The following DENND2C variants were observed in gnomAD, a reference collection of about 807,000 sequenced individuals.
The protein encoded by DENND2C is DENN domain-containing protein 2C.
In DENND2C, 72 loss-of-function variants were observed where a neutral mutation model predicts 112.4. The observed-to-expected ratio is 0.64, with a 90% CI of 0.53 to 0.78. DENND2C has a LOEUF of 0.78. DENND2C is among the 30% of genes least tolerant of loss of function. The pLI, the probability that DENND2C is intolerant of heterozygous loss-of-function variation, is 0.00. For synonymous variants in DENND2C, 329 were observed against 381.6 expected (o/e 0.86, Z 1.61); for missense variants, 992 against 1,113.8 (o/e 0.89, Z 1.56).
rs369709860 is a variant in DENND2C at position 114,585,646 on chromosome 1, A to G, written c.2756-15T>C. ...CATTTTGCTTCCTAAAGGGAAAGAAAAGTACAGTGAATGCTCAATTCATTT... is the reference window on the plus strand; with the variant it reads ...CATTTTGCTTCCTAAAGGGAAAGAAGAGTACAGTGAATGCTCAATTCATTT... On this transcript the variant is annotated splice_polypyrimidine_tract_variant and intron_variant, in intron 20 of 20. Transcript: ENST00000393274. 1.1e-5 allele frequency: 17 copies of G among 1,611,964 alleles called. No individual in the cohort carries two copies. Among genetic ancestry groups the G allele is most frequent in the Non-Finnish European group, 1.4e-5 (17 of 1,178,200 alleles).
At chr1:114,599,636 T>C (rs1655437800) in intron 15 of DENND2C, among the ~76,000 whole-genome samples, 185 bp from the exon 16 acceptor site, 1 of 152,212 alleles carries the variant, frequency 6.6e-6, no homozygotes, top group African/African-American at 2.4e-5. Flanking sequence ...AAATGTTCAA[T>C]CTTAATCCAG....
At chr1:114,602,068 A>C in intron 12 of DENND2C, 57 bp downstream of exon 12, 1 of 1,547,828 alleles carries the variant, frequency 6.5e-7, no homozygotes, top group African/African-American at 1.4e-5. Flanking sequence ...TGAAGTTCCT[A>C]CTCTGACTCA....
At chr1:114,669,013 ATCAT>A (rs1657718701) in intron 1 of DENND2C, among the ~76,000 whole-genome samples, 1 of 152,218 alleles carries the variant, frequency 6.6e-6, no homozygotes, top group East Asian at 1.9e-4. Flanking sequence ...AATTTCATCA[ATCAT>A]TTAAAAATAG....
chr1:114,597,512 T>C (rs1484019615), intron 16 of DENND2C, among the ~76,000 whole-genome samples: 4 of 151,826 alleles, frequency 2.6e-5, no homozygotes, highest in African/African-American at 9.7e-5. Flanking sequence ...CTGGGTGCAG[T>C]GGCTCACACC....
rs1656210689 is a variant in DENND2C, at chr1:114,623,049, T to A, written c.994A>T (p.Met332Leu). 6.2e-7 allele frequency: 1 copy of A among 1,613,330 alleles called. No individual in the cohort carries two copies. Among genetic ancestry groups the A allele is most frequent in the African/African-American group, 1.3e-5 (1 of 75,006 alleles). The change falls in exon 6 of 21, where the codon ATG becomes TTG. Residue 332 changes from methionine to leucine, a missense_variant. Around this residue, in one of 3 missense-constraint regions of DENND2C, gnomAD observed 470 missense variants for 472.7 expected, o/e 0.99. Coordinates refer to ENST00000393274, the MANE Select transcript of DENND2C (RefSeq NM_001256404.2). Reference sequence around the variant, plus strand: ...TTCCATGCTGAAGGGGATCTCCACATAGGTAAAGGCTGCACTGGAATATCT... The same window carrying A: ...TTCCATGCTGAAGGGGATCTCCACAAAGGTAAAGGCTGCACTGGAATATCT... The part of the protein sequence containing the change: ...YEDIPVQPLP[M>L]WRSPSAWKLP...
intron 3 of DENND2C, among the ~76,000 whole-genome samples, chr1:114,638,662 C>A (rs1330621667): frequency 3.4e-5 from 5 of 149,104 alleles, no homozygotes; most frequent in African/African-American, 1.2e-4. Context: ...ACTTGGGAGG[C>A]TGAGGTGGGA....
chr1:114,628,876 T>A (rs1656416409), intron 3 of DENND2C, among the ~76,000 whole-genome samples: 1 of 152,176 alleles, frequency 6.6e-6, no homozygotes, highest in Non-Finnish European at 1.5e-5. Flanking sequence ...TGCCTTAACC[T>A]CCATTATTGG....
chr1:114,602,806 CT>C (rs1023445506), intron 11 of DENND2C, among the ~76,000 whole-genome samples: 5 of 152,116 alleles, frequency 3.3e-5, no homozygotes, highest in African/African-American at 7.2e-5. Flanking sequence ...TCAAATAATC[CT>C]TCTGTCTCAG....
At chr1:114,608,954 G>A in intron 9 of DENND2C, 81 bp from the exon 10 acceptor site, 3 of 1,449,160 alleles carry the variant, frequency 2.1e-6, no homozygotes, top group Non-Finnish European at 2.9e-6. Context: ...GACCCACATA[G>A]GATTAATCTT....
rs1656329388 is a variant in DENND2C, at chr1:114,625,938, C to T, written c.47G>A (p.Ser16Asn). The T allele has an allele frequency of 6.2e-7, 1 of 1,613,900 alleles. No individual in the cohort carries two copies. The highest frequency in any genetic ancestry group is 1.3e-5 in the African/African-American group (1 of 74,920). Reference sequence around the variant, plus strand: ...TTTTTGTTTGATGTTTTTGCAGTGGCTTCTTGACAGTGTCTGAACAGTAGT... The same window carrying T: ...TTTTTGTTTGATGTTTTTGCAGTGGTTTCTTGACAGTGTCTGAACAGTAGT... ...SRTTVQTLSR[S>N]HCKNIKQKIS... Residue 16 changes from serine (S) to asparagine (N), a missense_variant, in exon 4 of 21, where the codon AGC (serine) becomes AAC (asparagine). By Grantham distance (46) the Ser-to-Asn change is conservative. Coordinates refer to ENST00000393274, the MANE Select transcript of DENND2C (RefSeq NM_001256404.2).
In DENND2C at chr1:114,587,493, T is replaced by C. The variant is rs1435191732; in HGVS notation, c.2669-20A>G. The stretch of plus-strand genomic sequence containing the variant: ...ACAAACCTACAAGGAAAAACTCATG[T>C]TGGTGAAACTGTGTAACACTCCAGA... On this transcript the variant is annotated intron_variant, in intron 19 of 20. Coordinates refer to ENST00000393274, the MANE Select transcript of DENND2C (RefSeq NM_001256404.2). 6.2e-7 allele frequency: 1 copy of C among 1,613,364 alleles called. No individual in the cohort carries two copies. Among genetic ancestry groups the C allele is most frequent in the African/African-American group, 1.3e-5 (1 of 74,924 alleles).
At chr1:114,620,343 GA>G (rs1212500124) in intron 7 of DENND2C, among the ~76,000 whole-genome samples, 4 of 152,054 alleles carry the variant, frequency 2.6e-5, no homozygotes, top group Non-Finnish European at 5.9e-5. Flanking sequence ...AAAAATATTA[GA>G]AAGGGAAAAG....
At chr1:114,602,870 T>C (rs536684958) in intron 11 of DENND2C, among the ~76,000 whole-genome samples, 1 of 152,286 alleles carries the variant, frequency 6.6e-6, no homozygotes, top group South Asian at 2.1e-4. Flanking sequence ...GGCCTTATTT[T>C]CCTTTTGTTG....
At chr1:114,596,969 G>A in intron 16 of DENND2C, among the ~76,000 whole-genome samples, 1 of 151,408 alleles carries the variant, frequency 6.6e-6, no homozygotes, top group African/African-American at 2.4e-5. Flanking sequence ...TGATATAGGA[G>A]GATATTTTCA....
At chr1:114,622,896 T>C (rs1656204996) in intron 6 of DENND2C, 91 bp downstream of exon 6, 11 of 891,932 alleles carry the variant, frequency 1.2e-5, no homozygotes, top group Non-Finnish European at 1.6e-5. Context: ...CAGTGCCTCT[T>C]AGTTCTGGAC....
chr1:114,586,710 T>A (rs1655049073), intron 20 of DENND2C: 1 of 150,786 alleles, frequency 6.6e-6, no homozygotes, highest in East Asian at 1.9e-4. Context: ...TTATTTATTT[T>A]TTATTTATTT....
chr1:114,648,255 T>C (rs1310797716), intron 2 of DENND2C, among the ~76,000 whole-genome samples: 1 of 152,240 alleles, frequency 6.6e-6, no homozygotes, highest in Non-Finnish European at 1.5e-5. Context: ...ACTCCAAAGT[T>C]TGTGCACTAA....
chr1:114,617,879 G>A (rs566067476), intron 8 of DENND2C, among the ~76,000 whole-genome samples: 1 of 151,926 alleles, frequency 6.6e-6, no homozygotes, highest in East Asian at 1.9e-4. Flanking sequence ...TCATTTATTT[G>A]TTCATCCAAT....
chr1:114,625,930 T>C lies in DENND2C; in HGVS notation c.55A>G (p.Lys19Glu), dbSNP rs769394943. 1 of 1,614,114 alleles carries C rather than the reference T, an allele frequency of 6.2e-7. No homozygotes were observed. Among genetic ancestry groups the C allele is most frequent in the Non-Finnish European group, 8.5e-7 (1 of 1,180,000 alleles). ...TGAGAAATTTTTTGTTTGATGTTTT[T>C]GCAGTGGCTTCTTGACAGTGTCTGA... ...TVQTLSRSHCKNIKQKISQWE... is the reference protein window; with the variant it reads ...TVQTLSRSHCENIKQKISQWE... The change falls in exon 4 of 21, where the codon AAA becomes GAA. Residue 19 changes from lysine to glutamate, a missense_variant. Lys to Glu is a moderately conservative substitution (Grantham distance 56). Around this residue, in one of 3 missense-constraint regions of DENND2C, gnomAD observed 470 missense variants for 472.7 expected, o/e 0.99. Coordinates refer to ENST00000393274, the MANE Select transcript of DENND2C (RefSeq NM_001256404.2).
Sources: gnomAD v4.1 joint callset for allele counts (sites outside exome capture counted in the v4.1 genomes callset) on GRCh38, gnomAD v4.1.1 for gene constraint, gnomAD v4.1.1 regional missense constraint, MANE v1.5 for transcripts, NCBI Gene and HGNC (gene_info 2026-07-23, HGNC 2026-07-21) for gene names.